The following SLX4IP variants were observed in gnomAD, a reference collection of about 807,000 sequenced individuals.
SLX4IP encodes the protein SLX4 interacting protein.
A neutral mutation model predicts 32.9 loss-of-function variants in SLX4IP; 34 were observed. The ratio of observed to expected loss-of-function variants is 1.03; its 90% CI spans 0.79 to 1.38. The LOEUF is 1.38. Ranked by LOEUF, SLX4IP falls within the 40% of genes most tolerant of loss-of-function variation. SLX4IP has a pLI of 0.00. For missense variants in SLX4IP, 444 were observed against 479.0 expected, an observed-to-expected ratio of 0.93 and a Z score of 0.68; for synonymous variants, 172 against 171.7, an observed-to-expected ratio of 1.00 and a Z score of -0.01.
intron 2 of SLX4IP, among the ~76,000 whole-genome samples, chr20:10,539,559 C>T (rs2066080890): frequency 6.6e-6 from 1 of 151,522 alleles, no homozygotes; most frequent in African/African-American, 2.4e-5. Flanking sequence ...AAGCAGACAC[C>T]AGGATCTGCC....
At chr20:10,532,990 T>C (rs1218457965) in intron 2 of SLX4IP, among the ~76,000 whole-genome samples, 1 of 152,158 alleles carries the variant, frequency 6.6e-6, no homozygotes, top group African/African-American at 2.4e-5. Flanking sequence ...TTGGCTAAGC[T>C]GGTCTCAAAC....
chr20:10,623,375 A>C lies in SLX4IP; in HGVS notation c.1223A>C (p.His408Pro). The part of the protein sequence containing the change: ...TKKRKKYERG[H>P] ...AAAAGAAAGAAATACGAAAGAGGCC[A>C]TTAACACCGAAGAGGTTTGTACCGT... is the stretch of plus-strand genomic sequence containing the variant. Residue 408 changes from histidine to proline, a missense_variant, in exon 8 of 8, where the codon CAT becomes CCT. Physicochemically the swap from His to Pro is moderately conservative, Grantham distance 77. Coordinates refer to ENST00000334534, the MANE Select transcript of SLX4IP (RefSeq NM_001009608.3). 1 of 1,609,344 alleles carries C rather than the reference A, an allele frequency of 6.2e-7. No individual in the cohort carries two copies. Among genetic ancestry groups the C allele is most frequent in the South Asian group, 1.1e-5 (1 of 90,600 alleles).
intron 2 of SLX4IP, among the ~76,000 whole-genome samples, chr20:10,493,904 C>T (rs2065646602): frequency 9.2e-6 from 1 of 108,574 alleles, no homozygotes; most frequent in African/African-American, 3.6e-5. Flanking sequence ...TACTGTGTTA[C>T]CCAGACTGGT....
chr20:10,477,294 C>T (rs757797411), intron 2 of SLX4IP, among the ~76,000 whole-genome samples: 2 of 152,078 alleles, frequency 1.3e-5, no homozygotes, highest in Non-Finnish European at 2.9e-5. Context: ...TACAGGTATG[C>T]ACCACCACGC....
At chr20:10,450,001 G>A (rs1447022521) in intron 1 of SLX4IP, among the ~76,000 whole-genome samples, 3 of 151,646 alleles carry the variant, frequency 2.0e-5, no homozygotes, top group Non-Finnish European at 4.4e-5. Context: ...TTGAAAATGT[G>A]AAAATGTAAC....
intron 2 of SLX4IP, among the ~76,000 whole-genome samples, chr20:10,542,189 G>T (rs2066114958): frequency 6.6e-6 from 1 of 152,160 alleles, no homozygotes; most frequent in African/African-American, 2.4e-5. Context: ...TTATTCAGTT[G>T]CCCATTTTAA....
At chr20:10,583,595 G>T (rs2066610520) in intron 4 of SLX4IP, among the ~76,000 whole-genome samples, 1 of 152,140 alleles carries the variant, frequency 6.6e-6, no homozygotes, top group Non-Finnish European at 1.5e-5. Context: ...CTGTGGATTG[G>T]TGGTTTGAGC....
chr20:10,458,266 T>G lies in SLX4IP; in HGVS notation c.27+35T>G, dbSNP rs762487394. ...GTTTAATAGCTTTTTAAAAAGAGGC[T>G]AATCACTTTCTAATATAACTGAGCT... On this transcript the variant is annotated intron_variant, in intron 2 of 7. Coordinates refer to ENST00000334534, the MANE Select transcript of SLX4IP (RefSeq NM_001009608.3). 3 of 1,537,058 alleles carry G rather than the reference T, an allele frequency of 2.0e-6. No homozygotes were observed. In the Admixed American group the frequency reaches 6.2e-5, roughly 32 times the overall value.
intron 1 of SLX4IP, among the ~76,000 whole-genome samples, chr20:10,438,701 A>G (rs1384843697): frequency 6.6e-6 from 1 of 151,388 alleles, no homozygotes; most frequent in Non-Finnish European, 1.5e-5. Flanking sequence ...AGGCTACCTG[A>G]TCAAATGATC....
In SLX4IP at chr20:10,530,803, GA is replaced by G. The variant is rs538756772; in HGVS notation, c.28-25418del. 8.8e-3 allele frequency among the ~76,000 whole-genome samples: 1,321 copies of G among 149,388 alleles called. 23 individuals are homozygous for G. Among genetic ancestry groups the G allele is most frequent in the African/African-American group, 0.029 (1,203 of 40,792 alleles). On this transcript the variant is annotated intron_variant, in intron 2 of 7. Transcript: ENST00000334534. ...GGGATTTTAAAGTGACTCTAAGGTA[GA>G]AAAAAAAAATTACCAAGACTCTTCC...
intron 2 of SLX4IP, among the ~76,000 whole-genome samples, chr20:10,502,961 C>G (rs1474976379): frequency 2.0e-5 from 3 of 152,188 alleles, no homozygotes; most frequent in Non-Finnish European, 4.4e-5. Context: ...GCATCTGGCT[C>G]TTTAGACCTG....
At chr20:10,498,247 G>A (rs113703195) in intron 2 of SLX4IP, among the ~76,000 whole-genome samples, 4,051 of 151,784 alleles carry the variant, frequency 0.027, 104 homozygotes, top group Admixed American at 0.097. Flanking sequence ...CAGTTCCTGA[G>A]GCTGTGTTTG....
At chr20:10,524,865 T>C (rs961972681) in intron 2 of SLX4IP, among the ~76,000 whole-genome samples, 2 of 152,192 alleles carry the variant, frequency 1.3e-5, no homozygotes. Flanking sequence ...TCATACTTGC[T>C]TGTTCCTCGG....
At chr20:10,599,966 G>A (rs186462087) in intron 5 of SLX4IP, among the ~76,000 whole-genome samples, 5 of 152,098 alleles carry the variant, frequency 3.3e-5, no homozygotes, top group East Asian at 1.9e-4. Context: ...TGCAAATACC[G>A]AGGAATTATT....
At chr20:10,585,625 C>G (rs1308259672) in intron 4 of SLX4IP, among the ~76,000 whole-genome samples, 1 of 151,628 alleles carries the variant, frequency 6.6e-6, no homozygotes, top group Non-Finnish European at 1.5e-5. Context: ...CTCTGTCACC[C>G]AGGCTGGATG....
chr20:10,578,682 T>C (rs1432716472), intron 4 of SLX4IP, among the ~76,000 whole-genome samples: 1 of 152,180 alleles, frequency 6.6e-6, no homozygotes, highest in African/African-American at 2.4e-5. Flanking sequence ...AGCTGCAGCA[T>C]TTTCTGTTCC....
At chr20:10,615,446 C>T (rs1380396860) in intron 6 of SLX4IP, among the ~76,000 whole-genome samples, 1 of 151,998 alleles carries the variant, frequency 6.6e-6, no homozygotes, top group Non-Finnish European at 1.5e-5. Context: ...TTCCTGAATC[C>T]TCCTCATCTT....
intron 4 of SLX4IP, among the ~76,000 whole-genome samples, chr20:10,567,568 C>A (rs1832581151): frequency 1.3e-5 from 2 of 152,138 alleles, no homozygotes; most frequent in African/African-American, 4.8e-5. Flanking sequence ...ACGTAAATTT[C>A]TATTCTTTAT....
At chr20:10,442,476 G>C (rs557452262) in intron 1 of SLX4IP, among the ~76,000 whole-genome samples, 1 of 152,210 alleles carries the variant, frequency 6.6e-6, no homozygotes. Context: ...AGGCCTGAGA[G>C]AGTGGACTCA....
Sources: gnomAD v4.1 joint callset for allele counts (sites outside exome capture counted in the v4.1 genomes callset) on GRCh38, gnomAD v4.1.1 for gene constraint, MANE v1.5 for transcripts, NCBI Gene and HGNC (gene_info 2026-07-23, HGNC 2026-07-21) for gene names.